ENO1: variants seen among roughly 807,000 people sequenced by gnomAD.
ENO1 encodes alpha-enolase.
A neutral mutation model predicts 46.3 loss-of-function variants in ENO1; 33 were observed. The ratio of observed to expected loss-of-function variants is 0.71; its 90% CI spans 0.54 to 0.95. The LOEUF (loss-of-function observed/expected upper bound fraction) is 0.95. ENO1 is among the 40% of genes least tolerant of loss of function. The probability of loss-of-function intolerance (pLI) is 0.00; values close to 1 mark genes in which losing one functional copy is unlikely to be tolerated. For missense variants in ENO1, 488 were observed against 553.3 expected (o/e 0.88, Z 1.18); for synonymous variants, 220 against 216.0 (o/e 1.02, Z -0.16).
intron 9 of ENO1, among the ~76,000 whole-genome samples, chr1:8,863,591 GA>G: frequency 6.6e-6 from 1 of 152,230 alleles, no homozygotes; most frequent in East Asian, 1.9e-4. Context: ...CTTGATGGGA[GA>G]AAGATTAGTG....
Position 8,871,905 on chromosome 1 carries a change from C to A in ENO1, c.167G>T (p.Arg56Leu), listed in dbSNP as rs201990176. 2 of 1,614,042 alleles carry A rather than the reference C, an allele frequency of 1.2e-6. No homozygotes were observed. Among genetic ancestry groups the A allele is most frequent in the Non-Finnish European group, 1.7e-6 (2 of 1,180,018 alleles). The change falls in exon 3 of 12, where the codon CGC (arginine) becomes CTC (leucine). Residue 56 changes from arginine to leucine, a missense_variant. Physicochemically the swap from Arg to Leu is moderately radical, Grantham distance 102. Transcript: ENST00000234590. ...CTAAGGCTTACCCTTCCCCATATAG[C>A]GAGTCTTATCATTGTCCCGGAGCTC... The part of the protein sequence containing the change: ...ALELRDNDKT[R>L]YMGKGVSKAV...
At chr1:8,865,550 T>C in intron 7 of ENO1, 68 bp from the exon 8 acceptor site, 2 of 1,468,048 alleles carry the variant, frequency 1.4e-6, no homozygotes, top group Non-Finnish European at 1.9e-6. Context: ...CTTCAACAGC[T>C]GCTACACAGG....
At chr1:8,874,577 C>CAAAAAAAAAAAAAAAAAA (rs140269736) in intron 2 of ENO1, among the ~76,000 whole-genome samples, 3 of 51,600 alleles carry the variant, frequency 5.8e-5, no homozygotes, top group East Asian at 6.3e-4. Flanking sequence ...GACTCCATCT[C>CAAAAAAAAAAAAAAAAAA]AAAAAAAAAA....
chr1:8,865,518 G>C (rs371610019), intron 7 of ENO1, 36 bp from the exon 8 acceptor site: 6 of 1,606,652 alleles, frequency 3.7e-6, no homozygotes, highest in Non-Finnish European at 5.1e-6. Flanking sequence ...TTGGAAAACA[G>C]GTAGGTACAG....
chr1:8,870,578 G>C, intron 3 of ENO1, 68 bp from the exon 4 acceptor site: 8 of 1,606,990 alleles, frequency 5.0e-6, no homozygotes, highest in Non-Finnish European at 6.8e-6. Context: ...CATTGTTAGA[G>C]AGAACCACTG....
intron 6 of ENO1, 106 bp downstream of exon 6, chr1:8,867,011 G>A: frequency 6.7e-7 from 1 of 1,494,522 alleles, no homozygotes; most frequent in Non-Finnish European, 9.0e-7. Flanking sequence ...AGCTGTGCTG[G>A]GAGAGTCACA....
rs1462855429 is a variant in ENO1 at position 8,878,631 on chromosome 1, A to C, written c.-61T>G. ...AGAGGAAGCGGAGGGTGCTGCAGAC[A>C]CCGAGGTGAACGTAAAGCCGGCGAG... On this transcript the variant is annotated 5_prime_UTR_variant, in exon 1 of 12. Coordinates refer to ENST00000234590, the MANE Select transcript of ENO1 (RefSeq NM_001428.5). The C allele has an allele frequency of 2.2e-6, 1 of 456,036 alleles. No homozygotes were observed. The highest frequency in any genetic ancestry group is 4.4e-6 in the Non-Finnish European group (1 of 226,778). The allele number at this position is 456,036 out of a possible 1,614,324, so 28.2% of individuals were successfully genotyped here. A position where few individuals can be genotyped will look rare whatever the true frequency, so the allele number is the denominator to read the frequency against.
At chr1:8,878,310 G>GC in intron 1 of ENO1, 1 of 274,830 alleles carries the variant, frequency 3.6e-6, no homozygotes, top group South Asian at 3.1e-5. Flanking sequence ...CAGTGACTCG[G>GC]CCCCGCAGTC....
intron 3 of ENO1, chr1:8,871,141 G>T: frequency 1.7e-6 from 2 of 1,145,140 alleles, no homozygotes; most frequent in Admixed American, 9.3e-5. Context: ...TGTGTAGAGT[G>T]CTTCTTACAG....
intron 2 of ENO1, among the ~76,000 whole-genome samples, chr1:8,874,577 CAA>C (rs140269736): frequency 0.019 from 976 of 51,478 alleles, 5 homozygotes; most frequent in African/African-American, 0.063. Flanking sequence ...GACTCCATCT[CAA>C]AAAAAAAAAA....
At chr1:8,862,553 C>A (rs528620648) in intron 11 of ENO1, among the ~76,000 whole-genome samples, 2 of 152,168 alleles carry the variant, frequency 1.3e-5, no homozygotes, top group African/African-American at 4.8e-5. Flanking sequence ...GGGTTAAATG[C>A]GCTGAAACAG....
chr1:8,875,387 G>T (rs554716339), intron 1 of ENO1, among the ~76,000 whole-genome samples: 2 of 152,206 alleles, frequency 1.3e-5, no homozygotes, highest in East Asian at 3.9e-4. Context: ...AGATGAATGT[G>T]TTGCTCGACG....
chr1:8,871,008 G>A (rs771537391), intron 3 of ENO1: 76 of 1,241,218 alleles, frequency 6.1e-5, no homozygotes, highest in Non-Finnish European at 7.2e-5. Context: ...GGGGCCATGC[G>A]TTCAATCTTC....
chr1:8,866,939 A>G (rs1642530609), intron 6 of ENO1, among the ~76,000 whole-genome samples, 178 bp downstream of exon 6: 1 of 152,210 alleles, frequency 6.6e-6, no homozygotes, highest in Non-Finnish European at 1.5e-5. Flanking sequence ...CATTGCAGAT[A>G]AAGGACCTGG....
chr1:8,870,494 A>C lies in ENO1; in HGVS notation c.198T>G (p.Val66=), dbSNP rs1210913225. 6.2e-7 allele frequency: 1 copy of C among 1,614,224 alleles called. No individual in the cohort carries two copies. Among genetic ancestry groups the C allele is most frequent in the South Asian group, 1.1e-5 (1 of 91,090 alleles). ...RYMGKGVSKA[V]EHINKTIAPA... is the part of the protein sequence containing the mutation. The stretch of plus-strand genomic sequence containing the variant: ...GCGCAATAGTTTTATTGATGTGCTC[A>C]ACAGCCTTTGAGACACCTGGAAGGA... Residue 66 remains valine (V), a synonymous_variant, in exon 4 of 12, where the codon GTT becomes GTG. Transcript: ENST00000234590.
chr1:8,876,846 T>A (rs1020751438), intron 1 of ENO1, among the ~76,000 whole-genome samples: 1 of 151,036 alleles, frequency 6.6e-6, no homozygotes, highest in African/African-American at 2.4e-5. Flanking sequence ...AAAGTGTGAT[T>A]TTTTTTTTAT....
intron 1 of ENO1, chr1:8,877,714 A>C (rs201853842): frequency 0.49 from 74,749 of 151,352 alleles, 18,906 homozygotes; most frequent in Non-Finnish European, 0.55. Context: ...CAACAACAAA[A>C]AAAAAACAAA....
intron 1 of ENO1, chr1:8,875,849 A>G (rs1399643979): frequency 6.6e-6 from 1 of 152,180 alleles, no homozygotes; most frequent in Non-Finnish European, 1.5e-5. Context: ...CCTGGGCTCA[A>G]GCGATCCTCC....
At chr1:8,874,192 T>C (rs1235591391) in intron 2 of ENO1, among the ~76,000 whole-genome samples, 1 of 152,202 alleles carries the variant, frequency 6.6e-6, no homozygotes, top group Non-Finnish European at 1.5e-5. Context: ...CAACTAGTGA[T>C]GGGCCCCTTT....
Sources: gnomAD v4.1 joint callset for allele counts (sites outside exome capture counted in the v4.1 genomes callset) on GRCh38, gnomAD v4.1.1 for gene constraint, MANE v1.5 for transcripts, NCBI Gene and HGNC (gene_info 2026-07-23, HGNC 2026-07-21) for gene names.